PPFIA2: variants seen among roughly 807,000 people sequenced by gnomAD.
PPFIA2 encodes PPFI scaffold protein A2.
A neutral mutation model predicts 175.5 loss-of-function variants in PPFIA2; 46 were observed. The ratio of observed to expected loss-of-function variants is 0.26; its 90% CI spans 0.21 to 0.34. PPFIA2 has a LOEUF of 0.34. Among genes scored for constraint, PPFIA2 ranks in the 10% least tolerant of loss-of-function variants. PPFIA2 has a pLI of 1.00. For synonymous variants in PPFIA2, 568 were observed against 511.4 expected, an observed-to-expected ratio of 1.11 and a Z score of -1.49; for missense variants, 1,179 against 1,506.1, an observed-to-expected ratio of 0.78 and a Z score of 3.60.
intron 4 of PPFIA2, among the ~76,000 whole-genome samples, chr12:81,575,975 T>G (rs1170345386): frequency 1.3e-5 from 2 of 151,714 alleles, no homozygotes. Flanking sequence ...CAATCAGGTT[T>G]GCATTCCAGT....
chr12:81,578,009 T>C (rs529549810), intron 4 of PPFIA2, among the ~76,000 whole-genome samples: 1 of 151,672 alleles, frequency 6.6e-6, no homozygotes, highest in Admixed American at 6.6e-5. Context: ...TACGAGAAGA[T>C]CCACTTCTTT....
At chr12:81,267,221 A>G (rs1287315133) in intron 29 of PPFIA2, 1 of 568,930 alleles carries the variant, frequency 1.8e-6, no homozygotes. Context: ...TTCTGTGAAC[A>G]GTAGAGAGAC....
intron 4 of PPFIA2, among the ~76,000 whole-genome samples, chr12:81,474,443 C>T (rs2057219777): frequency 6.6e-6 from 1 of 152,078 alleles, no homozygotes; most frequent in Non-Finnish European, 1.5e-5. Flanking sequence ...AGGCATGCAC[C>T]ACCACACCCA....
At chr12:81,645,644 A>G (rs889420745) in intron 4 of PPFIA2, among the ~76,000 whole-genome samples, 1 of 152,266 alleles carries the variant, frequency 6.6e-6, no homozygotes, top group Admixed American at 6.5e-5. Context: ...ACAAAATTCC[A>G]AAGGTTGACA....
intron 6 of PPFIA2, among the ~76,000 whole-genome samples, chr12:81,442,108 A>G (rs896361058): frequency 1.3e-5 from 2 of 152,030 alleles, no homozygotes; most frequent in Admixed American, 6.6e-5. Context: ...CATTATAGTG[A>G]GTTTTTAAGG....
chr12:81,344,238 C>A (rs539845490), intron 19 of PPFIA2, among the ~76,000 whole-genome samples: 7 of 152,018 alleles, frequency 4.6e-5, no homozygotes, highest in Admixed American at 1.3e-4. Flanking sequence ...GAGTAACAAG[C>A]TATCTTTTTT....
chr12:81,458,777 A>G (rs2145833223), intron 4 of PPFIA2, among the ~76,000 whole-genome samples: 1 of 152,230 alleles, frequency 6.6e-6, no homozygotes, highest in South Asian at 2.1e-4. Context: ...TTATAAACAA[A>G]TATTTATTTT....
At chr12:81,598,572 G>A (rs2153453102) in intron 4 of PPFIA2, among the ~76,000 whole-genome samples, 1 of 151,118 alleles carries the variant, frequency 6.6e-6, no homozygotes, top group South Asian at 2.1e-4. Flanking sequence ...TCTTATTTCT[G>A]TATCTTTCTA....
At position 81,445,661 on chromosome 12, in the gene PPFIA2, C is replaced by A. The variant is rs755834180; in HGVS notation, c.465G>T (p.Thr155=). 1.9e-6 allele frequency: 3 copies of A among 1,613,850 alleles called. No homozygotes were observed. In the South Asian group the frequency reaches 3.3e-5, roughly 18 times the overall value. ...VSRHERSLRM[T]VVKRQAQSPS... ...GAGACTGGGCTTGCCGTTTTACCAC[C>A]GTCATTCTTAGTGATCTTTCATGTC... Residue 155 remains threonine, a synonymous_variant, in exon 6 of 33, where the codon ACG becomes ACT. Transcript: ENST00000549396.
chr12:81,583,998 C>T (rs1007003992), intron 4 of PPFIA2, among the ~76,000 whole-genome samples: 3 of 151,864 alleles, frequency 2.0e-5, no homozygotes, highest in Non-Finnish European at 2.9e-5. Context: ...AATTCTTTCT[C>T]AATTGACACA....
intron 4 of PPFIA2, among the ~76,000 whole-genome samples, chr12:81,632,061 A>G (rs554493789): frequency 2.0e-5 from 3 of 152,290 alleles, no homozygotes; most frequent in Admixed American, 6.5e-5. Flanking sequence ...AACATATACA[A>G]AGGGCAGGTA....
rs140439423 is a variant in PPFIA2 at position 81,685,789 on chromosome 12, C to T, written c.250-8945G>A. ...GGGTATTTCATATTGCCAGATTGTACTTTATTTTTGAATGCATATTGGGTA... is the reference window on the plus strand; with the variant it reads ...GGGTATTTCATATTGCCAGATTGTATTTTATTTTTGAATGCATATTGGGTA... On this transcript the variant is annotated intron_variant, in intron 3 of 32. Transcript: ENST00000549396. 5.7e-4 allele frequency among the ~76,000 whole-genome samples: 86 copies of T among 152,072 alleles called. 1 individual carries two copies. The highest frequency in any genetic ancestry group is 2.0e-3 in the African/African-American group (85 of 41,534).
chr12:81,328,667 G>A (rs1322338627), intron 21 of PPFIA2, among the ~76,000 whole-genome samples: 1 of 152,082 alleles, frequency 6.6e-6, no homozygotes, highest in Non-Finnish European at 1.5e-5. Context: ...ATCCACAGAG[G>A]GAATGTAAAT....
chr12:81,443,999 C>T (rs4842392), intron 6 of PPFIA2, among the ~76,000 whole-genome samples: 1 of 150,598 alleles, frequency 6.6e-6, no homozygotes, highest in Non-Finnish European at 1.5e-5. Flanking sequence ...GGACTACAGG[C>T]GCCCGCCACC....
intron 4 of PPFIA2, among the ~76,000 whole-genome samples, chr12:81,509,602 CTT>C (rs35297606): frequency 5.5e-4 from 78 of 142,162 alleles, no homozygotes; most frequent in East Asian, 1.4e-3. Context: ...TCCACCTAAC[CTT>C]TTTTTTTTTT....
intron 4 of PPFIA2, among the ~76,000 whole-genome samples, chr12:81,490,644 A>C (rs1014314491): frequency 3.3e-5 from 5 of 151,960 alleles, no homozygotes; most frequent in African/African-American, 7.2e-5. Flanking sequence ...GAAAAGCAAC[A>C]ACAAAAATCT....
At chr12:81,302,686 T>A (rs1264573165) in intron 22 of PPFIA2, 1 of 453,758 alleles carries the variant, frequency 2.2e-6, no homozygotes, top group Non-Finnish European at 4.4e-6. Flanking sequence ...TAACTCCAGA[T>A]GTGCTTTTCC....
chr12:81,527,494 C>T lies in PPFIA2; in HGVS notation c.304-69628G>A, dbSNP rs528375673. On this transcript the variant is annotated intron_variant, in intron 4 of 32. Coordinates refer to ENST00000549396, the MANE Select transcript of PPFIA2 (RefSeq NM_003625.5). The stretch of plus-strand genomic sequence containing the variant: ...CTTAGCAAGGTCCACATGAACACAT[C>T]CTCCCCTCCCCCTACTCAAATATAT... 3.1e-4 allele frequency among the ~76,000 whole-genome samples: 47 copies of T among 152,120 alleles called. 1 individual carries two copies. The South Asian group carries it at 9.4e-3, about 30-fold the overall frequency.
intron 23 of PPFIA2, 36 bp downstream of exon 23, chr12:81,299,265 G>GATTGATTCAAGGGCCTCCT: frequency 3.9e-6 from 6 of 1,558,372 alleles, no homozygotes; most frequent in Non-Finnish European, 5.2e-6. Context: ...ACTTAGTAGT[G>GATTGATTCAAGGGCCTCCT]ATTGATTCAA....
Sources: gnomAD v4.1 joint callset for allele counts (sites outside exome capture counted in the v4.1 genomes callset) on GRCh38, gnomAD v4.1.1 for gene constraint, MANE v1.5 for transcripts, NCBI Gene and HGNC (gene_info 2026-07-23, HGNC 2026-07-21) for gene names.